PDE6A: variants seen among roughly 807,000 people sequenced by gnomAD.
PDE6A encodes the protein phosphodiesterase 6A.
Under a neutral mutation model 106.3 loss-of-function variants are expected in PDE6A, and 84 were observed. The ratio of observed to expected loss-of-function variants is 0.79; its 90% CI spans 0.66 to 0.95. PDE6A has a LOEUF of 0.95. PDE6A is among the 40% of genes least tolerant of loss of function. The pLI, the probability that PDE6A is intolerant of heterozygous loss-of-function variation, is 0.00. For missense variants in PDE6A, 1,052 were observed against 1,084.9 expected, an observed-to-expected ratio of 0.97 and a Z score of 0.43; for synonymous variants, 394 against 386.6, an observed-to-expected ratio of 1.02 and a Z score of -0.23.
chr5:149,928,231 A>ATATATATATATATATATATATTTTTT, intron 4 of PDE6A, among the ~76,000 whole-genome samples: 2 of 19,754 alleles, frequency 1.0e-4, no homozygotes, highest in African/African-American at 4.8e-4. Context: ...ATATATATAT[A>ATATATATATATATATATATATTTTTT]TTTTTTTTTT....
At chr5:149,878,349 C>T (rs1251467795) in intron 17 of PDE6A, among the ~76,000 whole-genome samples, 1 of 151,856 alleles carries the variant, frequency 6.6e-6, no homozygotes, top group African/African-American at 2.4e-5. Context: ...CATTTGATGT[C>T]ATTTCTTTGC....
At chr5:149,898,628 G>C (rs1201532472) in intron 9 of PDE6A, 122 bp from the exon 10 acceptor site, 1 of 952,304 alleles carries the variant, frequency 1.1e-6, no homozygotes, top group African/African-American at 1.6e-5. Context: ...TTGATAAGCT[G>C]TGTGCTGCCC....
At chr5:149,911,842 C>CAAA (rs11430549) in intron 6 of PDE6A, among the ~76,000 whole-genome samples, 1,774 of 65,828 alleles carry the variant, frequency 0.027, 55 homozygotes, top group Non-Finnish European at 0.037. Flanking sequence ...TCTCTATTAC[C>CAAA]AAAAAAAAAA....
At chr5:149,903,157 A>G (rs1000032370) in intron 8 of PDE6A, among the ~76,000 whole-genome samples, 7 of 148,936 alleles carry the variant, frequency 4.7e-5, no homozygotes, top group African/African-American at 1.7e-4. Flanking sequence ...TAAAAAAAAA[A>G]AAAAAAAAAA....
In PDE6A at chr5:149,884,883, A is replaced by G; in HGVS notation, c.1839-16T>C. 6.3e-7 allele frequency: 1 copy of G among 1,597,066 alleles called. No homozygotes were observed. Among genetic ancestry groups the G allele is most frequent in the Non-Finnish European group, 8.6e-7 (1 of 1,164,474 alleles). The stretch of plus-strand genomic sequence containing the variant: ...GTTCTGGGATCTGAATGAGAAAGAG[A>G]GAGAATCAATATGGAGTGGACAATA... On this transcript the variant is annotated splice_polypyrimidine_tract_variant and intron_variant, in intron 14 of 21. Transcript: ENST00000255266.
intron 9 of PDE6A, 26 bp downstream of exon 9, chr5:149,899,349 G>T (rs764882193): frequency 1.1e-5 from 18 of 1,613,164 alleles, no homozygotes; most frequent in Non-Finnish European, 1.7e-6. Context: ...AATCCCAACA[G>T]CAAAAGGCCT....
chr5:149,902,170 G>A (rs1753001455), intron 8 of PDE6A, among the ~76,000 whole-genome samples: 1 of 152,140 alleles, frequency 6.6e-6, no homozygotes, highest in African/African-American at 2.4e-5. Flanking sequence ...ATCTTCTCCT[G>A]CCAGTCTCTC....
chr5:149,921,711 T>G lies in PDE6A; in HGVS notation c.859-2A>C. The G allele has an allele frequency of 2.5e-6, 4 of 1,612,504 alleles. No homozygotes were observed. The South Asian group carries it at 4.4e-5, about 18-fold the overall frequency. On this transcript the variant is annotated splice_acceptor_variant, in intron 4 of 21. Transcript: ENST00000255266. LOFTEE classifies it high-confidence loss of function. ...AACCGGCCACACATCAAAAAATTCC[T>G]AGGAATGAGAAAAACAATAATTACA...
At chr5:149,911,010 G>T (rs1369059272) in intron 6 of PDE6A, among the ~76,000 whole-genome samples, 1 of 150,932 alleles carries the variant, frequency 6.6e-6, no homozygotes, top group Admixed American at 6.6e-5. Context: ...CTCCTGAGCA[G>T]CTGGGACCAC....
At position 149,931,091 on chromosome 5, in the gene PDE6A, T is replaced by G; in HGVS notation, c.795A>C (p.Thr265=). 1 of 1,614,042 alleles carries G rather than the reference T, an allele frequency of 6.2e-7. No individual in the cohort carries two copies. Residue 265 remains threonine, a synonymous_variant, in exon 4 of 22, where the codon ACA becomes ACC. Coordinates refer to ENST00000255266, the MANE Select transcript of PDE6A (RefSeq NM_000440.3). ...TGTCACAGTTGAGGAAAGCACGGAC[T>G]GTGTACAGGGCTTTGTGGAACTGTC... ...IERQFHKALY[T]VRAFLNCDRY... is the part of the protein sequence containing the mutation.
chr5:149,924,532 G>A (rs528272876), intron 4 of PDE6A, among the ~76,000 whole-genome samples: 11 of 151,358 alleles, frequency 7.3e-5, no homozygotes, highest in African/African-American at 2.2e-4. Flanking sequence ...AATTAATTAC[G>A]GTATATTTAT....
chr5:149,940,229 T>C lies in PDE6A; in HGVS notation c.474+3971A>G, dbSNP rs774018323. 12 of 152,348 alleles carry C rather than the reference T, an allele frequency of 7.9e-5. 1 individual carries two copies. The highest frequency in any genetic ancestry group is 2.6e-4 in the Admixed American group (4 of 15,304). 9.4% of individuals were successfully genotyped at this position (152,348 alleles called of 1,614,324 possible). On this transcript the variant is annotated intron_variant, in intron 1 of 21. Coordinates refer to ENST00000255266, the MANE Select transcript of PDE6A (RefSeq NM_000440.3). ...TGTGAAACAGAGATAATGACAGTTA[T>C]GACATAGATCGTTATGAGGGGAAAC...
intron 6 of PDE6A, among the ~76,000 whole-genome samples, chr5:149,913,211 A>T (rs991550745): frequency 3.3e-5 from 5 of 151,966 alleles, no homozygotes; most frequent in Non-Finnish European, 7.4e-5. Context: ...GCGAAACCCC[A>T]TCTCTACTAA....
At chr5:149,868,421 A>G (rs572367527) in intron 17 of PDE6A, among the ~76,000 whole-genome samples, 52 of 152,332 alleles carry the variant, frequency 3.4e-4, no homozygotes, top group South Asian at 2.3e-3. Flanking sequence ...TGTAATGATA[A>G]TCGTACCTTA....
chr5:149,911,200 C>T (rs538273756), intron 6 of PDE6A, among the ~76,000 whole-genome samples: 2 of 152,056 alleles, frequency 1.3e-5, no homozygotes, highest in Admixed American at 6.6e-5. Flanking sequence ...TTTCAATTGG[C>T]ATGATGATGA....
intron 7 of PDE6A, 68 bp downstream of exon 7, chr5:149,907,244 T>A: frequency 1.7e-6 from 2 of 1,171,708 alleles, no homozygotes; most frequent in Non-Finnish European, 2.6e-6. Context: ...CTCTTCTTGA[T>A]CTGAAATCCT....
chr5:149,888,188 A>G (rs1458754419), intron 13 of PDE6A, among the ~76,000 whole-genome samples: 1 of 152,180 alleles, frequency 6.6e-6, no homozygotes, highest in Non-Finnish European at 1.5e-5. Flanking sequence ...TGCCTCCTCT[A>G]CAATTTCTTA....
intron 17 of PDE6A, among the ~76,000 whole-genome samples, chr5:149,869,329 CAAAAA>C (rs11316552): frequency 6.6e-5 from 6 of 91,382 alleles, no homozygotes; most frequent in Admixed American, 1.2e-4. Flanking sequence ...GACTCCATAT[CAAAAA>C]AAAAAAAAAA....
intron 1 of PDE6A, among the ~76,000 whole-genome samples, chr5:149,938,521 G>C (rs1167608412): frequency 6.6e-6 from 1 of 152,120 alleles, no homozygotes; most frequent in African/African-American, 2.4e-5. Flanking sequence ...AGGTGCCAGG[G>C]GCCAGTGGTG....
Sources: allele counts gnomAD v4.1 joint callset (sites outside exome capture counted in the v4.1 genomes callset), GRCh38; gene constraint gnomAD v4.1.1; transcripts MANE v1.5; gene names NCBI Gene and HGNC (gene_info 2026-07-23, HGNC 2026-07-21).